DAGLA: variants seen among roughly 807,000 people sequenced by gnomAD.
The protein encoded by DAGLA is diacylglycerol lipase-alpha.
DAGLA carries 22 observed loss-of-function variants against 102.6 expected under a neutral mutation model. The observed-to-expected ratio is 0.21, with a 90% CI of 0.15 to 0.31. DAGLA has a LOEUF of 0.31. Ranked by LOEUF, DAGLA falls within the 10% of genes least tolerant of loss-of-function variation. DAGLA has a pLI of 1.00. For synonymous variants in DAGLA, 578 were observed against 628.9 expected (o/e 0.92, Z 1.21); for missense variants, 927 against 1,446.6 (o/e 0.64, Z 5.83).
chr11:61,744,781 A>C lies in DAGLA; in HGVS notation c.*292A>C. 1.7e-5 allele frequency: 6 copies of C among 349,586 alleles called. No homozygotes were observed. The highest frequency in any genetic ancestry group is 4.8e-5 in the East Asian group (1 of 20,658). 21.7% of individuals were successfully genotyped at this position (349,586 alleles called of 1,614,324 possible). A position where few individuals can be genotyped will look rare whatever the true frequency, so the allele number is the denominator to read the frequency against. On this transcript the variant is annotated 3_prime_UTR_variant, in exon 20 of 20. Transcript: ENST00000257215. ...GCCACACTCAGCCTGACTGCCCTCC[A>C]TGGGGGCATTCTGGCACCCCCTGCT...
intron 1 of DAGLA, among the ~76,000 whole-genome samples, chr11:61,692,774 T>C (rs2065033837): frequency 6.7e-6 from 1 of 149,198 alleles, no homozygotes; most frequent in Non-Finnish European, 1.5e-5. Context: ...GAGTAGAGAG[T>C]TGGTTGAATG....
intron 1 of DAGLA, among the ~76,000 whole-genome samples, chr11:61,701,935 C>A (rs1294826961): frequency 2.0e-5 from 3 of 152,084 alleles, no homozygotes; most frequent in South Asian, 2.1e-4. Flanking sequence ...CCACCATGCC[C>A]AGATAAATTT....
intron 1 of DAGLA, among the ~76,000 whole-genome samples, chr11:61,710,857 C>T (rs920608965): frequency 4.6e-5 from 7 of 152,324 alleles, no homozygotes; most frequent in Non-Finnish European, 8.8e-5. Context: ...TGCGTTATTT[C>T]GTTAACTCCT....
Position 61,744,465 on chromosome 11 carries a change from T to G in DAGLA, c.3105T>G (p.Asp1035Glu), listed in dbSNP as rs776810010. 8 of 1,581,842 alleles carry G rather than the reference T, an allele frequency of 5.1e-6. No homozygotes were observed. Among genetic ancestry groups the G allele is most frequent in the Non-Finnish European group, 6.9e-6 (8 of 1,160,818 alleles). The change falls in exon 20 of 20, where the codon GAT becomes GAG. Residue 1035 changes from aspartate to glutamate, a missense_variant. Transcript: ENST00000257215. ...ACGGAGCCAGCCCCGCCAAGCAAGA[T>G]GAGCTGGTCATCTCAGCACGCTAGC... The part of the protein sequence containing the change: ...TGHGASPAKQ[D>E]ELVISAR
intron 1 of DAGLA, among the ~76,000 whole-genome samples, chr11:61,712,605 G>A (rs1028758016): frequency 1.3e-5 from 2 of 152,202 alleles, no homozygotes; most frequent in Non-Finnish European, 1.5e-5. Flanking sequence ...CGCAGCTGAT[G>A]TGTGAAAAGC....
At position 61,746,398 on chromosome 11, in the gene DAGLA, C is replaced by G. The variant is rs1228447694; in HGVS notation, c.*1909C>G. 3 of 152,588 alleles carry G rather than the reference C, an allele frequency of 2.0e-5. No individual in the cohort carries two copies. The East Asian group carries it at 5.6e-4, about 29-fold the overall frequency. 9.5% of individuals were successfully genotyped at this position (152,588 alleles called of 1,614,324 possible). ...CACCGTGGCCAGTCACAGGGAGAGA[C>G]TTGATGTCTGGCCTTTTAATTCCTC... On this transcript the variant is annotated 3_prime_UTR_variant, in exon 20 of 20. Coordinates refer to ENST00000257215, the MANE Select transcript of DAGLA (RefSeq NM_006133.3).
At chr11:61,737,045 G>A (rs2065428828) in intron 13 of DAGLA, 137 bp from the exon 14 acceptor site, 10 of 1,204,234 alleles carry the variant, frequency 8.3e-6, no homozygotes, top group Non-Finnish European at 1.2e-5. Flanking sequence ...GGTTCTCTGT[G>A]CCCTAGCATT....
At chr11:61,710,153 C>T (rs947621150) in intron 1 of DAGLA, among the ~76,000 whole-genome samples, 1 of 152,142 alleles carries the variant, frequency 6.6e-6, no homozygotes, top group African/African-American at 2.4e-5. Context: ...TGCCAGCACC[C>T]AGACGGAGTC....
intron 5 of DAGLA, 32 bp downstream of exon 5, chr11:61,723,604 G>A (rs1236136079): frequency 6.2e-7 from 1 of 1,604,570 alleles, no homozygotes; most frequent in Non-Finnish European, 8.5e-7. Flanking sequence ...GCAGTCCCAG[G>A]GTGGGCTTTG....
chr11:61,720,074 C>A, intron 1 of DAGLA, 38 bp from the exon 2 acceptor site: 1 of 1,467,576 alleles, frequency 6.8e-7, no homozygotes, highest in Non-Finnish European at 9.4e-7. Context: ...GTGCCTTCAC[C>A]TCCTCAGGCA....
intron 7 of DAGLA, 71 bp from the exon 8 acceptor site, chr11:61,728,859 TG>T: frequency 7.2e-7 from 1 of 1,397,460 alleles, no homozygotes; most frequent in Non-Finnish European, 1.0e-6. Context: ...CGCCAGGGCC[TG>T]GGCCCCCTTT....
intron 1 of DAGLA, among the ~76,000 whole-genome samples, chr11:61,710,317 A>G (rs2065184263): frequency 6.6e-6 from 1 of 150,836 alleles, no homozygotes; most frequent in South Asian, 2.1e-4. Flanking sequence ...GGGTGGGGCC[A>G]GTGGAAAGCT....
Position 61,741,224 on chromosome 11 carries a change from C to T in DAGLA, c.2046C>T (p.Ser682=). 6.2e-7 allele frequency: 1 copy of T among 1,613,592 alleles called. No individual in the cohort carries two copies. Among genetic ancestry groups the T allele is most frequent in the Non-Finnish European group, 8.5e-7 (1 of 1,180,000 alleles). Residue 682 remains serine (S), a synonymous_variant, in exon 19 of 20, where the codon AGC becomes AGT. Transcript: ENST00000257215. The part of the protein sequence containing the change: ...ALLSAAKVMV[S]PTEVDLTPEL... Reference sequence around the variant, plus strand: ...TCTCTGCAGCCAAGGTCATGGTGAGCCCTACCGAGGTGGACCTGACTCCTG... The same window carrying T: ...TCTCTGCAGCCAAGGTCATGGTGAGTCCTACCGAGGTGGACCTGACTCCTG...
intron 13 of DAGLA, 29 bp from the exon 14 acceptor site, chr11:61,737,153 A>C: frequency 1.2e-6 from 2 of 1,612,770 alleles, no homozygotes; most frequent in Non-Finnish European, 1.7e-6. Flanking sequence ...GCATTGGGGC[A>C]GGGCTCTCAG....
chr11:61,682,855 G>T (rs1057440881), intron 1 of DAGLA, among the ~76,000 whole-genome samples: 11 of 151,716 alleles, frequency 7.3e-5, no homozygotes, highest in Non-Finnish European at 1.2e-4. Flanking sequence ...GGGGGACGGG[G>T]GGGGGAGGTG....
intron 7 of DAGLA, among the ~76,000 whole-genome samples, 197 bp downstream of exon 7, chr11:61,728,484 C>T (rs1382482797): frequency 1.3e-5 from 2 of 152,200 alleles, no homozygotes; most frequent in South Asian, 2.1e-4. Flanking sequence ...CCAGGCTTTC[C>T]GTGACTACTA....
chr11:61,685,872 C>T (rs1304435606), intron 1 of DAGLA, among the ~76,000 whole-genome samples: 1 of 152,024 alleles, frequency 6.6e-6, no homozygotes, highest in Non-Finnish European at 1.5e-5. Context: ...CTGTTGTGTG[C>T]TGTAGGGCGC....
intron 1 of DAGLA, among the ~76,000 whole-genome samples, chr11:61,701,720 G>A (rs1423743270): frequency 6.6e-6 from 1 of 152,218 alleles, no homozygotes. Context: ...CCTTTACCGA[G>A]TCTCACCCCC....
intron 1 of DAGLA, among the ~76,000 whole-genome samples, chr11:61,709,270 A>G (rs2065174479): frequency 6.6e-6 from 1 of 152,164 alleles, no homozygotes; most frequent in Non-Finnish European, 1.5e-5. Context: ...ACCTAGAGCT[A>G]TTTTGGGAGG....
Sources: allele counts gnomAD v4.1 joint callset (sites outside exome capture counted in the v4.1 genomes callset), GRCh38; gene constraint gnomAD v4.1.1; transcripts MANE v1.5; gene names NCBI Gene and HGNC (gene_info 2026-07-23, HGNC 2026-07-21).